MAGI2: variants seen among roughly 807,000 people sequenced by gnomAD.
The protein encoded by MAGI2 is membrane associated guanylate kinase, WW and PDZ domain containing 2.
Under a neutral mutation model 133.3 loss-of-function variants are expected in MAGI2, and 35 were observed. That is an observed-to-expected ratio of 0.26 (90% confidence interval 0.20 to 0.35). The LOEUF (loss-of-function observed/expected upper bound fraction) is 0.35. Among genes scored for constraint, MAGI2 ranks in the 10% least tolerant of loss-of-function variants. The pLI is 1.00. For synonymous variants in MAGI2, 729 were observed against 710.6 expected (o/e 1.03, Z -0.41); for missense variants, 1,636 against 1,863.4 (o/e 0.88, Z 2.25).
At chr7:78,716,500 A>G (rs1323199788) in intron 2 of MAGI2, among the ~76,000 whole-genome samples, 1 of 152,202 alleles carries the variant, frequency 6.6e-6, no homozygotes, top group African/African-American at 2.4e-5. Context: ...GGAATACAAA[A>G]AAGAAGAAAG....
chr7:78,386,213 A>T (rs1434023420), intron 6 of MAGI2, among the ~76,000 whole-genome samples: 1 of 152,170 alleles, frequency 6.6e-6, no homozygotes, highest in Non-Finnish European at 1.5e-5. Flanking sequence ...ATATATATAC[A>T]TCACTATTTT....
At chr7:79,229,811 T>A (rs539292310) in intron 1 of MAGI2, among the ~76,000 whole-genome samples, 67 of 152,032 alleles carry the variant, frequency 4.4e-4, no homozygotes, top group Non-Finnish European at 8.5e-4. Context: ...TTTATTATTA[T>A]ACTTTAGGTT....
chr7:78,741,079 G>C (rs1165366301), intron 2 of MAGI2, among the ~76,000 whole-genome samples: 1 of 151,984 alleles, frequency 6.6e-6, no homozygotes, highest in Non-Finnish European at 1.5e-5. Flanking sequence ...TTTCCATCCG[G>C]GAGTTTTTAA....
chr7:78,134,227 C>T (rs1301442260), intron 17 of MAGI2: 1 of 152,252 alleles, frequency 6.6e-6, no homozygotes, highest in East Asian at 1.9e-4. Context: ...TTGCTGCCTA[C>T]ATGTCAGATA....
chr7:78,618,352 A>C (rs2150931307), intron 3 of MAGI2: 1 of 152,092 alleles, frequency 6.6e-6, no homozygotes, highest in African/African-American at 2.4e-5. Context: ...AATATATTAC[A>C]ATATATATTC....
intron 3 of MAGI2, among the ~76,000 whole-genome samples, chr7:78,559,253 T>C (rs970519645): frequency 6.0e-5 from 9 of 149,388 alleles, no homozygotes; most frequent in East Asian, 2.0e-4. Context: ...TTTTTTTTTT[T>C]CCAGTTGTAA....
intron 2 of MAGI2, among the ~76,000 whole-genome samples, chr7:78,926,130 G>A (rs1799676345): frequency 6.6e-6 from 1 of 151,958 alleles, no homozygotes; most frequent in South Asian, 2.1e-4. Flanking sequence ...CATCTGTTAA[G>A]AGTTCCAATG....
intron 3 of MAGI2, chr7:78,583,434 G>C: frequency 1.1e-5 from 2 of 189,332 alleles, no homozygotes; most frequent in South Asian, 7.7e-5. Context: ...GGAGGCAGAG[G>C]TTGCGGTGAG....
At chr7:78,894,434 A>G (rs965036413) in intron 2 of MAGI2, among the ~76,000 whole-genome samples, 8 of 152,208 alleles carry the variant, frequency 5.3e-5, no homozygotes, top group African/African-American at 1.7e-4. Context: ...TTCTTAAAAC[A>G]TAAGAAAATT....
chr7:79,224,661 T>C (rs1830696638), intron 1 of MAGI2, among the ~76,000 whole-genome samples: 1 of 152,140 alleles, frequency 6.6e-6, no homozygotes, highest in Non-Finnish European at 1.5e-5. Context: ...TACTGATATA[T>C]GCAACAACAT....
intron 2 of MAGI2, among the ~76,000 whole-genome samples, chr7:78,831,923 C>T (rs1430765587): frequency 6.6e-6 from 1 of 152,054 alleles, no homozygotes; most frequent in Non-Finnish European, 1.5e-5. Flanking sequence ...ATTTTCACAA[C>T]TGAACTTTAA....
chr7:78,575,497 T>C (rs1443117059), intron 3 of MAGI2, among the ~76,000 whole-genome samples: 3 of 152,110 alleles, frequency 2.0e-5, no homozygotes, highest in Admixed American at 6.5e-5. Flanking sequence ...GTGACTTTTT[T>C]CCAAGGACTA....
intron 1 of MAGI2, among the ~76,000 whole-genome samples, chr7:79,346,010 T>C (rs1178614006): frequency 6.6e-6 from 1 of 152,062 alleles, no homozygotes; most frequent in Non-Finnish European, 1.5e-5. Context: ...TTTCTACATT[T>C]TTCTCTTCTT....
intron 2 of MAGI2, among the ~76,000 whole-genome samples, chr7:78,804,195 T>C (rs1039223533): frequency 6.7e-6 from 1 of 149,244 alleles, no homozygotes; most frequent in Non-Finnish European, 1.5e-5. Context: ...TCTGAGTCAG[T>C]GACTGGAAAT....
chr7:78,250,875 C>T (rs951169091), intron 10 of MAGI2, among the ~76,000 whole-genome samples: 2 of 152,002 alleles, frequency 1.3e-5, no homozygotes, highest in Non-Finnish European at 1.5e-5. Context: ...GAACACTTTC[C>T]TACTCATTTT....
At chr7:78,573,313 A>T (rs868191929) in intron 3 of MAGI2, among the ~76,000 whole-genome samples, 4,094 of 43,188 alleles carry the variant, frequency 0.095, 266 homozygotes, top group Non-Finnish European at 0.14. Flanking sequence ...TATATATATA[A>T]ATATATAAAT....
intron 2 of MAGI2, among the ~76,000 whole-genome samples, chr7:78,746,560 C>A (rs1261420739): frequency 6.6e-6 from 1 of 152,186 alleles, no homozygotes; most frequent in Non-Finnish European, 1.5e-5. Flanking sequence ...ATCACCAGCA[C>A]AGAAGTGAAT....
intron 20 of MAGI2, among the ~76,000 whole-genome samples, chr7:78,096,582 A>G (rs1441442358): frequency 2.0e-5 from 3 of 152,204 alleles, no homozygotes; most frequent in Non-Finnish European, 4.4e-5. Flanking sequence ...CTGAGTTTAG[A>G]GTAGGGGTTG....
At chr7:78,446,465 A>C (rs1584163308) in intron 6 of MAGI2, among the ~76,000 whole-genome samples, 1 of 152,264 alleles carries the variant, frequency 6.6e-6, no homozygotes, top group East Asian at 1.9e-4. Context: ...TCTCATAAAA[A>C]GGACTTGTCC....
Sources: gnomAD v4.1 joint callset for allele counts (sites outside exome capture counted in the v4.1 genomes callset) on GRCh38, gnomAD v4.1.1 for gene constraint, MANE v1.5 for transcripts, NCBI Gene and HGNC (gene_info 2026-07-23, HGNC 2026-07-21) for gene names.